CNKSR2: variants seen among roughly 807,000 people sequenced by gnomAD.
CNKSR2 encodes connector enhancer of kinase suppressor of Ras 2, also known as CNK homolog protein 2.
Under a neutral mutation model 84.4 loss-of-function variants are expected in CNKSR2, and 14 were observed. The ratio of observed to expected loss-of-function variants is 0.17; its 90% CI spans 0.11 to 0.26. CNKSR2 has a LOEUF of 0.26. CNKSR2 is among the 10% of genes least tolerant of loss of function. The probability of loss-of-function intolerance (pLI) is 1.00; values close to 1 mark genes in which losing one functional copy is unlikely to be tolerated. For synonymous variants in CNKSR2, 275 were observed against 277.9 expected (o/e 0.99, Z 0.10); for missense variants, 485 against 771.2 (o/e 0.63, Z 4.40).
intron 12 of CNKSR2, among the ~76,000 whole-genome samples, chrX:21,562,301 T>G (rs1401062351): frequency 2.7e-5 from 3 of 110,945 alleles, no homozygotes; most frequent in African/African-American, 9.8e-5. Context: ...ATAAAACAAA[T>G]CAAAACAAAA....
chrX:21,406,444 G>T (rs1036980884), intron 1 of CNKSR2, among the ~76,000 whole-genome samples: 3 of 111,352 alleles, frequency 2.7e-5, no homozygotes, highest in African/African-American at 9.8e-5. Flanking sequence ...TGTAGTTTTA[G>T]CCATAAAACA....
rs1257544345 is a variant in CNKSR2, at chrX:21,536,809, G to A, written c.1303+4742G>A. Among the ~76,000 whole-genome samples, 6 of 99,963 alleles carry A rather than the reference G, an allele frequency of 6.0e-5. No individual in the cohort carries two copies. The East Asian group carries it at 1.9e-3, about 31-fold the overall frequency. The allele number at this position is 99,963 out of a possible 115,157, so 86.8% of individuals were successfully genotyped here. A position where few individuals can be genotyped will look rare whatever the true frequency, so the allele number is the denominator to read the frequency against. ...TTACCCTTCAAAAAATCAACTTTTC[G>A]TTTTGTTGGTCTTCTGTAGGTTTTT... On this transcript the variant is annotated intron_variant, in intron 11 of 21. Coordinates refer to ENST00000379510, the MANE Select transcript of CNKSR2 (RefSeq NM_014927.5).
In CNKSR2 at chrX:21,602,736, G is replaced by T. The variant is rs552305461; in HGVS notation, c.2044+1387G>T. ...ACAGTTCTCTGCAGAGACTATACTT[G>T]CATAGGCCTAAATTTATGGTAAGAG... On this transcript the variant is annotated intron_variant, in intron 18 of 21. Transcript: ENST00000379510. Among the ~76,000 whole-genome samples, 176 of 110,575 alleles carry T rather than the reference G, an allele frequency of 1.6e-3. 2 individuals are homozygous for T. In the South Asian group the frequency reaches 0.065, roughly 41 times the overall value.
At chrX:21,518,664 G>A (rs970828498) in intron 9 of CNKSR2, among the ~76,000 whole-genome samples, 9 of 111,271 alleles carry the variant, frequency 8.1e-5, no homozygotes, top group African/African-American at 9.8e-5. Context: ...TAAAAATTAC[G>A]TCATGTCATT....
intron 1 of CNKSR2, among the ~76,000 whole-genome samples, chrX:21,411,425 G>A (rs1182175769): frequency 9.0e-6 from 1 of 111,590 alleles, no homozygotes; most frequent in Non-Finnish European, 1.9e-5. Flanking sequence ...CAAGCACGAA[G>A]ATTACAACCA....
At chrX:21,437,297 A>T (rs747131044) in intron 3 of CNKSR2, among the ~76,000 whole-genome samples, 2 of 110,734 alleles carry the variant, frequency 1.8e-5, no homozygotes, top group South Asian at 3.8e-4. Context: ...TTATAAACAG[A>T]CTCTGACCTT....
intron 11 of CNKSR2, chrX:21,538,255 C>A (rs778773107): frequency 9.0e-6 from 1 of 111,699 alleles, no homozygotes; most frequent in African/African-American, 3.3e-5. Flanking sequence ...TTGAGTATAT[C>A]ATCCCATTCT....
chrX:21,647,214 A>C (rs1215727566), intron 20 of CNKSR2, among the ~76,000 whole-genome samples: 1 of 112,431 alleles, frequency 8.9e-6, no homozygotes, highest in Admixed American at 9.4e-5. Context: ...CAGAGGACTT[A>C]GTGATAGCAT....
In CNKSR2 at chrX:21,570,649, C is replaced by T. The variant is rs751117431; in HGVS notation, c.1608+7197C>T. On this transcript the variant is annotated intron_variant, in intron 13 of 21. Transcript: ENST00000379510. ...TCTAGCTTTGATTTAAAGTGAGAGA[C>T]GTGTGACTCTTCCTTTCACTTGAAC... Among the ~76,000 whole-genome samples, 4 of 112,106 alleles carry T rather than the reference C, an allele frequency of 3.6e-5. No individual in the cohort carries two copies. In the East Asian group the frequency reaches 1.1e-3, roughly 31 times the overall value.
rs766155370 is a variant in CNKSR2 at position 21,648,307 on chromosome X, T to C, written c.2693-524T>C. Among the ~76,000 whole-genome samples, 300 of 111,897 alleles carry C rather than the reference T, an allele frequency of 2.7e-3. 2 individuals carry two copies. Among genetic ancestry groups the C allele is most frequent in the African/African-American group, 8.2e-3 (254 of 30,913 alleles). On this transcript the variant is annotated intron_variant, in intron 20 of 21. Transcript: ENST00000379510. ...GATTTTTACAATCAAATATACTCCA[T>C]TGAATGCCATTCAATCTTATGAAAT... is the stretch of plus-strand genomic sequence containing the variant.
chrX:21,516,354 C>A, intron 8 of CNKSR2, 131 bp from the exon 9 acceptor site: 1 of 616,768 alleles, frequency 1.6e-6, no homozygotes, highest in African/African-American at 2.3e-5. Flanking sequence ...GAGTATGTAT[C>A]TCCTGAAAAT....
chrX:21,523,409 C>G (rs1296105220), intron 9 of CNKSR2, among the ~76,000 whole-genome samples: 1 of 111,076 alleles, frequency 9.0e-6, no homozygotes, highest in Non-Finnish European at 1.9e-5. Flanking sequence ...ATTTTCTTCC[C>G]ATTCATGTTT....
intron 11 of CNKSR2, among the ~76,000 whole-genome samples, chrX:21,541,857 G>A (rs934319658): frequency 8.9e-6 from 1 of 112,019 alleles, no homozygotes; most frequent in Non-Finnish European, 1.9e-5. Context: ...AGTACTCATG[G>A]ATATTTTTTT....
At chrX:21,604,135 C>T (rs2092501475) in intron 18 of CNKSR2, among the ~76,000 whole-genome samples, 1 of 112,017 alleles carries the variant, frequency 8.9e-6, no homozygotes, top group Non-Finnish European at 1.9e-5. Context: ...TATGTAGCCT[C>T]TTCTCTGTCA....
At chrX:21,478,239 T>A (rs2091279729) in intron 5 of CNKSR2, among the ~76,000 whole-genome samples, 1 of 111,980 alleles carries the variant, frequency 8.9e-6, no homozygotes, top group South Asian at 3.8e-4. Flanking sequence ...TTCTTTGGTG[T>A]CATATTATAT....
intron 4 of CNKSR2, among the ~76,000 whole-genome samples, chrX:21,456,379 T>C (rs867333243): frequency 9.0e-6 from 1 of 111,629 alleles, no homozygotes; most frequent in Non-Finnish European, 1.9e-5. Context: ...TCCCACCCTG[T>C]CCATTGTAAC....
chrX:21,541,080 T>C (rs1214918171), intron 11 of CNKSR2, among the ~76,000 whole-genome samples: 4 of 109,964 alleles, frequency 3.6e-5, no homozygotes, highest in Non-Finnish European at 7.6e-5. Flanking sequence ...CTTCCCGGGT[T>C]CAAGCGATTC....
chrX:21,608,588 G>C (rs889938390), intron 19 of CNKSR2, among the ~76,000 whole-genome samples: 7 of 110,915 alleles, frequency 6.3e-5, no homozygotes, highest in Admixed American at 1.9e-4. Flanking sequence ...ACCCATAGGA[G>C]CAGACATTCT....
At chrX:21,406,783 G>A (rs770770790) in intron 1 of CNKSR2, among the ~76,000 whole-genome samples, 1 of 111,477 alleles carries the variant, frequency 9.0e-6, no homozygotes, top group South Asian at 3.8e-4. Context: ...TAGAAATCAT[G>A]ATTTGAAATA....
Sources: gnomAD v4.1 joint callset for allele counts (sites outside exome capture counted in the v4.1 genomes callset) on GRCh38, gnomAD v4.1.1 for gene constraint, MANE v1.5 for transcripts, NCBI Gene and HGNC (gene_info 2026-07-23, HGNC 2026-07-21) for gene names.